The following WWOX variants were observed in gnomAD, a reference collection of about 807,000 sequenced individuals.
WWOX encodes WW domain containing oxidoreductase.
In WWOX, 69 loss-of-function variants were observed where a neutral mutation model predicts 46.2. The observed-to-expected ratio is 1.49, with a 90% CI of 1.23 to 1.82. The LOEUF (loss-of-function observed/expected upper bound fraction) is 1.82, where lower values mean the gene tolerates loss of function less well. WWOX is among the 40% of genes most tolerant of loss of function. The probability of loss-of-function intolerance (pLI) is 0.00; values close to 1 mark genes in which losing one functional copy is unlikely to be tolerated. For synonymous variants in WWOX, 359 were observed against 202.6 expected (o/e 1.77, Z -6.56); for missense variants, 919 against 542.6 (o/e 1.69, Z -6.89).
At chr16:79,061,065 CT>C (rs1234052201) in intron 8 of WWOX, among the ~76,000 whole-genome samples, 17 of 152,172 alleles carry the variant, frequency 1.1e-4, no homozygotes, top group Non-Finnish European at 2.2e-4. Context: ...ACCACACAGC[CT>C]CTCGAAGGGA....
At chr16:78,513,765 G>A (rs187736400) in intron 8 of WWOX, among the ~76,000 whole-genome samples, 1 of 152,086 alleles carries the variant, frequency 6.6e-6, no homozygotes, top group Non-Finnish European at 1.5e-5. Flanking sequence ...GAAGGGGAGC[G>A]AATAGTATTT....
intron 8 of WWOX, among the ~76,000 whole-genome samples, chr16:78,870,319 T>G (rs2044099113): frequency 6.6e-6 from 1 of 152,180 alleles, no homozygotes; most frequent in South Asian, 2.1e-4. Flanking sequence ...CTTTTCATTC[T>G]AAGAATCATA....
At chr16:78,652,408 C>CAAAA (rs747993811) in intron 8 of WWOX, among the ~76,000 whole-genome samples, 18 of 107,492 alleles carry the variant, frequency 1.7e-4, no homozygotes, top group African/African-American at 5.6e-4. Context: ...GACTCCGTCT[C>CAAAA]AAAAAAAAAA....
intron 8 of WWOX, among the ~76,000 whole-genome samples, chr16:79,069,558 GT>G (rs34594978): frequency 0.14 from 20,040 of 143,314 alleles, 1,851 homozygotes; most frequent in African/African-American, 0.26. Context: ...TTATTGGTAG[GT>G]TTTTTTTTTT....
rs1007772999 is a variant in WWOX at position 78,977,578 on chromosome 16, C to T, written c.1057-234030C>T. Among the ~76,000 whole-genome samples, 3 of 150,198 alleles carry T rather than the reference C, an allele frequency of 2.0e-5. No homozygotes were observed. The East Asian group carries it at 6.1e-4, about 31-fold the overall frequency. Reference sequence around the variant, plus strand: ...CTTAATTTCCTTTTTCTTTGAGGGGCTATAAAATTTTTGTTGTTACAAAAA... The same window carrying T: ...CTTAATTTCCTTTTTCTTTGAGGGGTTATAAAATTTTTGTTGTTACAAAAA... On this transcript the variant is annotated intron_variant, in intron 8 of 8. Coordinates refer to ENST00000566780, the MANE Select transcript of WWOX (RefSeq NM_016373.4).
At chr16:78,566,963 C>T (rs564439008) in intron 8 of WWOX, among the ~76,000 whole-genome samples, 1 of 152,186 alleles carries the variant, frequency 6.6e-6, no homozygotes, top group African/African-American at 2.4e-5. Context: ...ATGGAAGCAA[C>T]CACCAGTGTA....
In WWOX at chr16:78,504,579, C is replaced by T. The variant is rs185972031; in HGVS notation, c.1056+71827C>T. Among the ~76,000 whole-genome samples, 50 of 152,298 alleles carry T rather than the reference C, an allele frequency of 3.3e-4. 2 individuals are homozygous for T. In the East Asian group the frequency reaches 6.2e-3, roughly 19 times the overall value. Reference sequence around the variant, plus strand: ...ACTGGCTCATTCCAGAAGTGGGCGTCGTGATGCCAGTGTCTTCGTAATACT... The same window carrying T: ...ACTGGCTCATTCCAGAAGTGGGCGTTGTGATGCCAGTGTCTTCGTAATACT... On this transcript the variant is annotated intron_variant, in intron 8 of 8. Coordinates refer to ENST00000566780, the MANE Select transcript of WWOX (RefSeq NM_016373.4).
intron 8 of WWOX, among the ~76,000 whole-genome samples, chr16:78,967,042 C>G (rs1258367233): frequency 6.6e-6 from 1 of 152,094 alleles, no homozygotes; most frequent in Non-Finnish European, 1.5e-5. Flanking sequence ...TCAAATGCTT[C>G]CTTTGGTCCA....
chr16:78,934,449 C>T (rs1470233228), intron 8 of WWOX, among the ~76,000 whole-genome samples: 1 of 139,036 alleles, frequency 7.2e-6, no homozygotes, highest in Non-Finnish European at 1.5e-5. Flanking sequence ...GTCAAGGCTG[C>T]AGTGAACTGT....
intron 8 of WWOX, among the ~76,000 whole-genome samples, chr16:78,887,880 A>G (rs2044501283): frequency 6.6e-6 from 1 of 152,178 alleles, no homozygotes; most frequent in Non-Finnish European, 1.5e-5. Context: ...GTTCATTGAA[A>G]ATCCTAGACA....
chr16:79,013,405 T>C (rs1277132825), intron 8 of WWOX, among the ~76,000 whole-genome samples: 1 of 152,240 alleles, frequency 6.6e-6, no homozygotes, highest in Non-Finnish European at 1.5e-5. Flanking sequence ...TCAGTTCTGG[T>C]AACTCTTTTA....
At position 78,821,958 on chromosome 16, in the gene WWOX, C is replaced by T. The variant is rs183049808; in HGVS notation, c.1056+389206C>T. Among the ~76,000 whole-genome samples, 458 of 152,248 alleles carry T rather than the reference C, an allele frequency of 3.0e-3. 1 individual carries two copies. The highest frequency in any genetic ancestry group is 5.3e-3 in the Non-Finnish European group (361 of 68,012). ...GCTGTGGCATCTTAGCTCACAGCAG[C>T]CTCGACCTACCAGGCTCAAGCGATC... is the stretch of plus-strand genomic sequence containing the variant. On this transcript the variant is annotated intron_variant, in intron 8 of 8. Transcript: ENST00000566780.
intron 8 of WWOX, among the ~76,000 whole-genome samples, chr16:78,751,032 G>C (rs1333562379): frequency 6.6e-6 from 1 of 151,966 alleles, no homozygotes; most frequent in African/African-American, 2.4e-5. Context: ...TAGGTCAAAT[G>C]GTAATTCTAT....
intron 8 of WWOX, among the ~76,000 whole-genome samples, chr16:78,959,712 C>G (rs1262313115): frequency 6.6e-6 from 1 of 152,146 alleles, no homozygotes; most frequent in Non-Finnish European, 1.5e-5. Context: ...CCTGCAACTA[C>G]CACATCAAAA....
chr16:78,719,341 G>A (rs549798051), intron 8 of WWOX, among the ~76,000 whole-genome samples: 23 of 152,286 alleles, frequency 1.5e-4, no homozygotes, highest in South Asian at 8.3e-4. Flanking sequence ...CATTCCTCCC[G>A]TGAGACCACC....
At chr16:79,079,530 C>T (rs188144549) in intron 8 of WWOX, among the ~76,000 whole-genome samples, 1 of 152,154 alleles carries the variant, frequency 6.6e-6, no homozygotes, top group Non-Finnish European at 1.5e-5. Context: ...CCATATGTTT[C>T]CCATTGTTTG....
chr16:78,510,025 GCTCTCTGGCCTGGGCAA>G (rs1251499055), intron 8 of WWOX, among the ~76,000 whole-genome samples: 1 of 151,922 alleles, frequency 6.6e-6, no homozygotes, highest in Non-Finnish European at 1.5e-5. Flanking sequence ...TTGTGCCACT[GCTCTCTGGCCTGGGCAA>G]CAAAGAGAGA....
At chr16:78,935,909 C>G (rs965397826) in intron 8 of WWOX, among the ~76,000 whole-genome samples, 2 of 151,694 alleles carry the variant, frequency 1.3e-5, no homozygotes, top group African/African-American at 4.9e-5. Flanking sequence ...GAGACCCTGT[C>G]TCAAAATAAA....
intron 8 of WWOX, among the ~76,000 whole-genome samples, chr16:78,836,203 C>T (rs905393943): frequency 7.2e-5 from 11 of 151,834 alleles, no homozygotes; most frequent in African/African-American, 2.4e-4. Context: ...GTTAGATTTA[C>T]TCTTCCTTTG....
Sources: allele counts gnomAD v4.1 joint callset (sites outside exome capture counted in the v4.1 genomes callset), GRCh38; gene constraint gnomAD v4.1.1; transcripts MANE v1.5; gene names NCBI Gene and HGNC (gene_info 2026-07-23, HGNC 2026-07-21).